Variants in LONP2 observed in about 807,000 individuals in gnomAD.
The protein encoded by LONP2 is lon peptidase 2, peroxisomal.
A neutral mutation model predicts 85.6 loss-of-function variants in LONP2; 60 were observed. The observed-to-expected ratio is 0.70, with a 90% confidence interval of 0.57 to 0.87. The LOEUF (loss-of-function observed/expected upper bound fraction) is 0.87. LONP2 is among the 40% of genes least tolerant of loss of function. LONP2 has a pLI of 0.00. For synonymous variants in LONP2, 395 were observed against 389.7 expected (o/e 1.01, Z -0.16); for missense variants, 860 against 1,063.5 (o/e 0.81, Z 2.66).
At chr16:48,256,762 C>T (rs149357886) in intron 3 of LONP2, 21 bp downstream of exon 3, 22 of 1,607,632 alleles carry the variant, frequency 1.4e-5, no homozygotes, top group African/African-American at 6.7e-5. Context: ...CCCTTTTGAA[C>T]GCCAGGTTGC....
At position 48,329,772 on chromosome 16, in the gene LONP2, A is replaced by C. The variant is rs188464500; in HGVS notation, c.1796-4444A>C. On this transcript the variant is annotated intron_variant, in intron 11 of 14. Coordinates refer to ENST00000285737, the MANE Select transcript of LONP2 (RefSeq NM_031490.5). ...TGTTTTGAAAGAATTTTCTCACATT[A>C]CTTGAAAACACTTAGGAAACCATTT... Among the ~76,000 whole-genome samples, 5 of 152,274 alleles carry C rather than the reference A, an allele frequency of 3.3e-5. No individual in the cohort carries two copies. In the South Asian group the frequency reaches 1.0e-3, roughly 32 times the overall value.
intron 8 of LONP2, among the ~76,000 whole-genome samples, chr16:48,285,227 C>A (rs1212178022): frequency 3.3e-5 from 5 of 151,928 alleles, no homozygotes; most frequent in Non-Finnish European, 7.4e-5. Context: ...TGGCGGATCT[C>A]TTATGCCTAA....
At chr16:48,303,904 C>T (rs570245729) in intron 11 of LONP2, among the ~76,000 whole-genome samples, 1 of 152,206 alleles carries the variant, frequency 6.6e-6, no homozygotes, top group Admixed American at 6.5e-5. Flanking sequence ...CTTCTTTTCT[C>T]TGCTTTATTC....
intron 11 of LONP2, among the ~76,000 whole-genome samples, chr16:48,312,203 A>C (rs907730526): frequency 6.6e-6 from 1 of 152,124 alleles, no homozygotes; most frequent in Non-Finnish European, 1.5e-5. Flanking sequence ...TTGGCTTCCT[A>C]AAGTGCTAGG....
At chr16:48,251,463 A>G (rs996435836) in intron 1 of LONP2, among the ~76,000 whole-genome samples, 1 of 152,180 alleles carries the variant, frequency 6.6e-6, no homozygotes, top group African/African-American at 2.4e-5. Context: ...ACCTATTGTT[A>G]GGTAAAATGA....
Position 48,356,614 on chromosome 16 carries a change from T to C in LONP2, c.*4812T>C, listed in dbSNP as rs1960371099. 3 of 303,058 alleles carry C rather than the reference T, an allele frequency of 9.9e-6. No individual in the cohort carries two copies. The highest frequency in any genetic ancestry group is 2.0e-5 in the Non-Finnish European group (3 of 149,242). The allele number at this position is 303,058 out of a possible 1,614,324, so 18.8% of individuals were successfully genotyped here. Reference sequence around the variant, plus strand: ...TTTTTTTTGTTTGTTTTACAAACATTTGGTGGATACCACAATGAAAACTGC... The same window carrying C: ...TTTTTTTTGTTTGTTTTACAAACATCTGGTGGATACCACAATGAAAACTGC... On this transcript the variant is annotated 3_prime_UTR_variant, in exon 15 of 15. Transcript: ENST00000285737.
intron 8 of LONP2, among the ~76,000 whole-genome samples, chr16:48,293,061 G>A (rs1972588691): frequency 6.6e-6 from 1 of 152,074 alleles, no homozygotes; most frequent in African/African-American, 2.4e-5. Context: ...AAAATTACTT[G>A]TTCAAGTCTG....
intron 11 of LONP2, among the ~76,000 whole-genome samples, chr16:48,323,332 G>A (rs1017323659): frequency 4.6e-5 from 7 of 152,058 alleles, no homozygotes; most frequent in African/African-American, 1.7e-4. Flanking sequence ...TTGTTTGTTT[G>A]TTTTTTTCAT....
chr16:48,271,266 A>T (rs760210767), intron 7 of LONP2, among the ~76,000 whole-genome samples: 1 of 152,190 alleles, frequency 6.6e-6, no homozygotes, highest in Non-Finnish European at 1.5e-5. Context: ...CATTGTTCTC[A>T]CTGGTCTCTT....
rs558667759 is a variant in LONP2, at chr16:48,299,396, C to G, written c.1535-266C>G. ...GGCCAGGAGTTTGAGACCAGCCTGG[C>G]CAACTTGGCAAAGCCCTGTCTACTG... On this transcript the variant is annotated intron_variant, in intron 9 of 14. Transcript: ENST00000285737. 4.6e-5 allele frequency among the ~76,000 whole-genome samples: 7 copies of G among 151,824 alleles called. No individual in the cohort carries two copies. In the South Asian group the frequency reaches 1.3e-3, roughly 27 times the overall value.
intron 11 of LONP2, among the ~76,000 whole-genome samples, chr16:48,329,510 T>C (rs1959368297): frequency 6.6e-6 from 1 of 152,184 alleles, no homozygotes; most frequent in Non-Finnish European, 1.5e-5. Flanking sequence ...GCATTCTGGG[T>C]TTATTTTATT....
chr16:48,248,258 A>AT, intron 1 of LONP2, among the ~76,000 whole-genome samples: 1 of 149,564 alleles, frequency 6.7e-6, no homozygotes, highest in Admixed American at 6.6e-5. Context: ...AGTGTCTGGG[A>AT]TTACAGGCAT....
rs1445982476 is a variant in LONP2, at chr16:48,354,094, G to A, written c.*2292G>A. The A allele has an allele frequency of 4.9e-4, 12 of 24,550 alleles. No homozygotes were observed. The highest frequency in any genetic ancestry group is 1.9e-3 in the African/African-American group (11 of 5,698). 1.5% of individuals were successfully genotyped at this position (24,550 alleles called of 1,614,324 possible). A position where few individuals can be genotyped will look rare whatever the true frequency, so the allele number is the denominator to read the frequency against. On this transcript the variant is annotated 3_prime_UTR_variant, in exon 15 of 15. Coordinates refer to ENST00000285737, the MANE Select transcript of LONP2 (RefSeq NM_031490.5). ...TTTTTTTTTTTGGGGGGGGTGGGGG[G>A]TTAGGGGTGGGGCGGGTGGGGAAGA...
chr16:48,339,536 A>G (rs1022786815), intron 12 of LONP2, among the ~76,000 whole-genome samples: 3 of 152,334 alleles, frequency 2.0e-5, no homozygotes, highest in African/African-American at 7.2e-5. Context: ...CTAGAAGAGA[A>G]TATGGATGTC....
At chr16:48,272,797 C>G (rs889438794) in intron 7 of LONP2, among the ~76,000 whole-genome samples, 3 of 152,176 alleles carry the variant, frequency 2.0e-5, no homozygotes, top group Non-Finnish European at 4.4e-5. Flanking sequence ...TATTACCCAT[C>G]TACCCCGTGA....
rs551199434 is a variant in LONP2, at chr16:48,353,987, T to C, written c.*2185T>C. On this transcript the variant is annotated 3_prime_UTR_variant, in exon 15 of 15. Coordinates refer to ENST00000285737, the MANE Select transcript of LONP2 (RefSeq NM_031490.5). ...TATGACCATTGCACTAGCTTTGTTT[T>C]TGGTTTGTTTTGTTTTTTTTTTAAT... is the stretch of plus-strand genomic sequence containing the variant. The C allele has an allele frequency of 2.7e-5, 4 of 150,364 alleles. No individual in the cohort carries two copies. The East Asian group carries it at 7.8e-4, about 29-fold the overall frequency. 9.3% of individuals were successfully genotyped at this position (150,364 alleles called of 1,614,324 possible). A position where few individuals can be genotyped will look rare whatever the true frequency, so the allele number is the denominator to read the frequency against.
intron 11 of LONP2, among the ~76,000 whole-genome samples, chr16:48,317,492 G>C (rs1973170661): frequency 6.6e-6 from 1 of 152,132 alleles, no homozygotes; most frequent in Non-Finnish European, 1.5e-5. Context: ...AAGAAACATT[G>C]CTTTTGTTTT....
chr16:48,334,340 C>G lies in LONP2; in HGVS notation c.1920C>G (p.Pro640=). 2 of 1,614,174 alleles carry G rather than the reference C, an allele frequency of 1.2e-6. No homozygotes were observed. The highest frequency in any genetic ancestry group is 1.7e-6 in the Non-Finnish European group (2 of 1,180,038). ...DFHALKDILG[P]PMYEMEVSQR... is the part of the protein sequence containing the mutation. ...ATGCTCTGAAAGACATCCTTGGGCCCCCGATGTATGAAATGGAGGTGATTC... is the reference window on the plus strand; with the variant it reads ...ATGCTCTGAAAGACATCCTTGGGCCGCCGATGTATGAAATGGAGGTGATTC... Residue 640 remains proline (P), a synonymous_variant, in exon 12 of 15, where the codon CCC becomes CCG. Coordinates refer to ENST00000285737, the MANE Select transcript of LONP2 (RefSeq NM_031490.5).
At chr16:48,276,965 G>C (rs914093744) in intron 7 of LONP2, among the ~76,000 whole-genome samples, 1 of 152,120 alleles carries the variant, frequency 6.6e-6, no homozygotes, top group Admixed American at 6.5e-5. Flanking sequence ...GCGTTGGGTA[G>C]GGGGATGCTC....
Sources: allele counts gnomAD v4.1 joint callset (sites outside exome capture counted in the v4.1 genomes callset), GRCh38; gene constraint gnomAD v4.1.1; transcripts MANE v1.5; gene names NCBI Gene and HGNC (gene_info 2026-07-23, HGNC 2026-07-21).